Variants in PSG6 observed in about 807,000 individuals in gnomAD.
PSG6 encodes pregnancy specific beta-1-glycoprotein 6, also known as pregnancy-specific beta-1-glycoprotein 6.
A neutral mutation model predicts 43.3 loss-of-function variants in PSG6; 51 were observed. The observed-to-expected ratio is 1.18, with a 90% CI of 0.94 to 1.49. PSG6 has a LOEUF of 1.49. Ranked by LOEUF, PSG6 falls within the 40% of genes most tolerant of loss-of-function variation. PSG6 has a pLI of 0.00. For missense variants in PSG6, 770 were observed against 522.2 expected (o/e 1.47, Z -4.62); for synonymous variants, 292 against 197.6 (o/e 1.48, Z -4.01).
At chr19:42,910,987 G>C (rs1458675503) in intron 2 of PSG6, 129 bp from the exon 3 acceptor site, 1 of 1,494,268 alleles carries the variant, frequency 6.7e-7, no homozygotes, top group Non-Finnish European at 8.9e-7. Context: ...TGGCAGGTGT[G>C]TGTGTTACAA....
intron 5 of PSG6, among the ~76,000 whole-genome samples, chr19:42,906,141 T>A (rs1315849096): frequency 6.6e-6 from 1 of 151,338 alleles, no homozygotes; most frequent in Non-Finnish European, 1.5e-5. Flanking sequence ...GCCCCAGGGG[T>A]GAATCTCCCT....
chr19:42,905,337 T>A (rs576271077), intron 5 of PSG6, among the ~76,000 whole-genome samples: 16 of 151,778 alleles, frequency 1.1e-4, no homozygotes, highest in African/African-American at 3.6e-4. Context: ...CTTAGAGATA[T>A]GCAAATCAAA....
At chr19:42,912,323 C>T (rs992353151) in intron 2 of PSG6, among the ~76,000 whole-genome samples, 1 of 151,554 alleles carries the variant, frequency 6.6e-6, no homozygotes, top group Non-Finnish European at 1.5e-5. Flanking sequence ...TTGGAGGAAA[C>T]CTTAAAATGT....
rs1280023793 is a variant in PSG6 at position 42,910,861 on chromosome 19, G to C, written c.428-3C>G. ...GATGGAGGGCTTGGGAGTCTCCGCTGTGCAGAAAACAGAGAGAAGATTGCC... is the reference window on the plus strand; with the variant it reads ...GATGGAGGGCTTGGGAGTCTCCGCTCTGCAGAAAACAGAGAGAAGATTGCC... On this transcript the variant is annotated splice_region_variant and splice_polypyrimidine_tract_variant and intron_variant, in intron 2 of 5. Coordinates refer to ENST00000187910, the MANE Select transcript of PSG6 (RefSeq NM_001031850.4). 9 of 1,603,182 alleles carry C rather than the reference G, an allele frequency of 5.6e-6. 1 individual carries two copies. In the East Asian group the frequency reaches 1.3e-4, roughly 24 times the overall value.
Position 42,912,705 on chromosome 19 carries a change from G to A in PSG6, c.428-1847C>T, listed in dbSNP as rs191373653. On this transcript the variant is annotated intron_variant, in intron 2 of 5. Transcript: ENST00000187910. ...AATGTCTTCTTCATTTTCTCTTAAG[G>A]TCAGGAAACACCACTAAAATTTAAG... Among the ~76,000 whole-genome samples the A allele has an allele frequency of 3.9e-4, 59 of 151,890 alleles. 4 individuals are homozygous for A. Among genetic ancestry groups the A allele is most frequent in the East Asian group, 3.7e-3 (19 of 5,156 alleles).
chr19:42,913,954 T>A (rs956990697), intron 2 of PSG6, among the ~76,000 whole-genome samples: 15 of 151,878 alleles, frequency 9.9e-5, no homozygotes, highest in African/African-American at 3.4e-4. Context: ...TGAGTAATAA[T>A]AAACCTCCAC....
rs1568449328 is a variant in PSG6, at chr19:42,917,757, G to T, written c.36C>A (p.His12Gln). Residue 12 changes from histidine to glutamine, a missense_variant, in exon 1 of 6, where the codon CAC becomes CAA. By Grantham distance (24) the His-to-Gln change is conservative. Coordinates refer to ENST00000187910, the MANE Select transcript of PSG6 (RefSeq NM_001031850.4). ...GPLSAPPCTQ[H>Q]ITWKGLLLTA... ...TGAGCAGGAGCCCCTTCCAGGTGAT[G>T]TGCTGAGTGCAGGGAGGGGCTGAGA... The T allele has an allele frequency of 6.2e-7, 1 of 1,610,396 alleles. No individual in the cohort carries two copies. Among genetic ancestry groups the T allele is most frequent in the Non-Finnish European group, 8.5e-7 (1 of 1,178,014 alleles).
At chr19:42,908,203 T>C (rs1429959861) in intron 3 of PSG6, among the ~76,000 whole-genome samples, 2 of 151,632 alleles carry the variant, frequency 1.3e-5, no homozygotes, top group African/African-American at 4.8e-5. Flanking sequence ...AATGTGCAAC[T>C]GCTGGGCCCC....
chr19:42,915,508 G>A lies in PSG6; in HGVS notation c.427+617C>T, dbSNP rs374066066. 5.1e-4 allele frequency: 79 copies of A among 154,646 alleles called. 5 individuals are homozygous for A. In the South Asian group the frequency reaches 0.016, roughly 32 times the overall value. The allele number at this position is 154,646 out of a possible 1,614,324, so 9.6% of individuals were successfully genotyped here. ...AGTTGGCTGATGGCCTACAAAGCTT[G>A]TCTTTCTGTCCTCTCCACTCTGAGT... On this transcript the variant is annotated intron_variant, in intron 2 of 5. Coordinates refer to ENST00000187910, the MANE Select transcript of PSG6 (RefSeq NM_001031850.4).
In PSG6 at chr19:42,909,123, G is replaced by C. The variant is rs552702052; in HGVS notation, c.707-1269C>G. 1.3e-4 allele frequency among the ~76,000 whole-genome samples: 19 copies of C among 151,792 alleles called. 1 individual carries two copies. The highest frequency in any genetic ancestry group is 6.3e-4 in the South Asian group (3 of 4,726). The stretch of plus-strand genomic sequence containing the variant: ...ATCCCAAATCTGAAAGATTCAAAAT[G>C]TAAAATGCTTCAGTGAGCATTTCTT... On this transcript the variant is annotated intron_variant, in intron 3 of 5. Transcript: ENST00000187910.
In PSG6 at chr19:42,916,433, G is replaced by T. The variant is rs748259364; in HGVS notation, c.119C>A (p.Ala40Asp). The T allele has an allele frequency of 6.2e-7, 1 of 1,611,944 alleles. No homozygotes were observed. The highest frequency in any genetic ancestry group is 1.7e-5 in the Admixed American group (1 of 59,870). ...CCCCTCGGAAACTTTGGGTGGCTTG[G>T]CTTCAATTATTACTTGGGCAGTGGT... ...LPTTAQVIIE[A>D]KPPKVSEGKD... Residue 40 changes from alanine to aspartate, a missense_variant, in exon 2 of 6, where the codon GCC becomes GAC. Physicochemically the swap from Ala to Asp is moderately radical, Grantham distance 126. Coordinates refer to ENST00000187910, the MANE Select transcript of PSG6 (RefSeq NM_001031850.4).
intron 2 of PSG6, among the ~76,000 whole-genome samples, chr19:42,912,029 C>G (rs555690216): frequency 6.6e-6 from 1 of 151,758 alleles, no homozygotes; most frequent in South Asian, 2.1e-4. Flanking sequence ...ATGCAGAAAG[C>G]TTAAAACAAA....
At position 42,907,727 on chromosome 19, in the gene PSG6, G is replaced by A. The variant is rs542265010; in HGVS notation, c.834C>T (p.Ser278=). ...GCTTTACCCTCGGACTGACCGGGAGGCTCTGACCATTTAGCCACCAAATGT... is the reference window on the plus strand; with the variant it reads ...GCTTTACCCTCGGACTGACCGGGAGACTCTGACCATTTAGCCACCAAATGT... ...YTYIWWLNGQ[S]LPVSPRVKRP... The change falls in exon 4 of 6, where the codon AGC becomes AGT. Residue 278 remains serine, a synonymous_variant. Transcript: ENST00000187910. 6.2e-7 allele frequency: 1 copy of A among 1,610,808 alleles called. No individual in the cohort carries two copies. The highest frequency in any genetic ancestry group is 2.2e-5 in the East Asian group (1 of 44,800).
Position 42,907,171 on chromosome 19 carries a change from G to T in PSG6, c.991C>A (p.Pro331Thr). 1 of 1,611,652 alleles carries T rather than the reference G, an allele frequency of 6.2e-7. No individual in the cohort carries two copies. Reference sequence around the variant, plus strand: ...GAAGGGTAAATTCTGGGGAGGTCTGGACCATCTGGAGGAAAGAGAATAAAG... The same window carrying T: ...GAAGGGTAAATTCTGGGGAGGTCTGTACCATCTGGAGGAAAGAGAATAAAG... Reference protein sequence around the residue: ...NPVTLNVLYGPDLPRIYPSFT... With the variant: ...NPVTLNVLYGTDLPRIYPSFT... Residue 331 changes from proline (P) to threonine (T), a missense_variant, in exon 5 of 6, where the codon CCA (proline) becomes ACA (threonine). Pro to Thr is a conservative substitution (Grantham distance 38). Coordinates refer to ENST00000187910, the MANE Select transcript of PSG6 (RefSeq NM_001031850.4).
chr19:42,909,206 C>CT (rs953432438), intron 3 of PSG6, among the ~76,000 whole-genome samples: 3 of 151,352 alleles, frequency 2.0e-5, no homozygotes, highest in African/African-American at 2.4e-5. Flanking sequence ...TATTCTTGCC[C>CT]TTTTTTTTCT....
chr19:42,914,522 C>T lies in PSG6; in HGVS notation c.427+1603G>A, dbSNP rs148315327. On this transcript the variant is annotated intron_variant, in intron 2 of 5. Transcript: ENST00000187910. ...CCCAGGGACCAGGTGCCCCCAGCTC[C>T]ACAGTCCAGGACCAAAGAGCCCTGA... Among the ~76,000 whole-genome samples the T allele has an allele frequency of 3.5e-3, 502 of 144,606 alleles. 22 individuals carry two copies. Among genetic ancestry groups the T allele is most frequent in the African/African-American group, 0.012 (473 of 38,030 alleles). The allele number at this position is 144,606 out of a possible 152,430, so 94.9% of individuals were successfully genotyped here.
chr19:42,917,731 G>C lies in PSG6; in HGVS notation c.62C>G (p.Thr21Arg), dbSNP rs1204496330. Residue 21 changes from threonine to arginine, a missense_variant and splice_region_variant, in exon 1 of 6, where the codon ACA becomes AGA. Thr to Arg is a moderately conservative substitution (Grantham distance 71, BLOSUM62 -1). Transcript: ENST00000187910. ...QHITWKGLLLTASLLNFWNLP... is the reference protein window; with the variant it reads ...QHITWKGLLLRASLLNFWNLP... ...CTCCCAGGAAGTCCTCTCCTCACCT[G>C]TGAGCAGGAGCCCCTTCCAGGTGAT... is the stretch of plus-strand genomic sequence containing the variant. 1.9e-6 allele frequency: 3 copies of C among 1,609,770 alleles called. No homozygotes were observed. The highest frequency in any genetic ancestry group is 2.5e-6 in the Non-Finnish European group (3 of 1,177,616).
intron 5 of PSG6, among the ~76,000 whole-genome samples, chr19:42,904,847 G>A (rs928482127): frequency 1.3e-5 from 2 of 151,660 alleles, no homozygotes; most frequent in African/African-American, 4.8e-5. Context: ...TGAAGAGGAA[G>A]AATGAAGCTG....
In PSG6 at chr19:42,907,617, T is replaced by C. The variant is rs138104787; in HGVS notation, c.944A>G (p.Tyr315Cys). 3.8e-5 allele frequency: 62 copies of C among 1,611,146 alleles called. 1 individual carries two copies. The highest frequency in any genetic ancestry group is 4.8e-5 in the Non-Finnish European group (57 of 1,178,792). The change falls in exon 4 of 6, where the codon TAT becomes TGT. Residue 315 changes from tyrosine (Y) to cysteine (C), a missense_variant. By Grantham distance (194) the Tyr-to-Cys change is radical (BLOSUM62 -2). Transcript: ENST00000187910. ...GPYQCEIRDRYGGIRSNPVTL... is the reference protein window; with the variant it reads ...GPYQCEIRDRCGGIRSNPVTL... ...GACTGGGTTACTGCGGATGCCACCA[T>C]ATCGGTCCCGTATTTCACATTGATA... is the stretch of plus-strand genomic sequence containing the variant.
Sources: allele counts gnomAD v4.1 joint callset (sites outside exome capture counted in the v4.1 genomes callset), GRCh38; gene constraint gnomAD v4.1.1; transcripts MANE v1.5; gene names NCBI Gene and HGNC (gene_info 2026-07-23, HGNC 2026-07-21).